NRG2: variants seen among roughly 807,000 people sequenced by gnomAD.
The protein encoded by NRG2 is pro-neuregulin-2, membrane-bound isoform.
Under a neutral mutation model 73.9 loss-of-function variants are expected in NRG2, and 27 were observed. The observed-to-expected ratio is 0.37, with a 90% CI of 0.27 to 0.50. NRG2 has a LOEUF of 0.50. Among genes scored for constraint, NRG2 ranks in the 20% least tolerant of loss-of-function variants. The pLI, the probability that NRG2 is intolerant of heterozygous loss-of-function variation, is 0.96. For synonymous variants in NRG2, 532 were observed against 541.0 expected (o/e 0.98, Z 0.23); for missense variants, 1,126 against 1,210.1 (o/e 0.93, Z 1.03).
At position 139,852,522 on chromosome 5, in the gene NRG2, A is replaced by G; in HGVS notation, c.1454T>C (p.Ile485Thr). The G allele has an allele frequency of 6.2e-7, 1 of 1,614,144 alleles. No individual in the cohort carries two copies. The highest frequency in any genetic ancestry group is 1.1e-5 in the South Asian group (1 of 91,072). ...GAAGGTGGTCTCAGTTTCTCTCCTG[A>G]TGACATGGTCTGTGGCTGGCACGTT... Reference protein sequence around the residue: ...SKNVPATDHVIRRETETTFSG... With the variant: ...SKNVPATDHVTRRETETTFSG... The change falls in exon 8 of 10, where the codon ATC becomes ACC. Residue 485 changes from isoleucine to threonine, a missense_variant. Transcript: ENST00000361474. This position sits in a 1 kb window ranked among gnomAD's most constrained non-coding sequence, Gnocchi z 4.4.
In NRG2 at chr5:139,859,984, G is replaced by GGA. The variant is rs554149041; in HGVS notation, c.1190-4208_1190-4207dup. 2.2e-5 allele frequency: 32 copies of GGA among 1,477,398 alleles called. 1 individual carries two copies. The South Asian group carries it at 3.2e-4, about 15-fold the overall frequency. The allele number at this position is 1,477,398 out of a possible 1,614,324, so 91.5% of individuals were successfully genotyped here. A position where few individuals can be genotyped will look rare whatever the true frequency, so the allele number is the denominator to read the frequency against. On this transcript the variant is annotated intron_variant, in intron 5 of 9. Coordinates refer to ENST00000361474, the MANE Select transcript of NRG2 (RefSeq NM_004883.3). ...GAGAGACAGGTGGGTGGGGACAGGG[G>GGA]GAGAGAGAGAGACAGAAACGTTGGT...
chr5:139,914,348 T>G (rs1014137369), intron 1 of NRG2, among the ~76,000 whole-genome samples: 2 of 152,156 alleles, frequency 1.3e-5, no homozygotes, highest in Non-Finnish European at 2.9e-5. Flanking sequence ...CCCACACCTG[T>G]GCCCTCAGGT....
rs575753041 is a variant in NRG2, at chr5:140,012,401, A to G, written c.700+29969T>C. ...ACATCTGTCATTCACTATATACACA[A>G]AGTAATCCTGTCTTAACTTTCAGAA... is the stretch of plus-strand genomic sequence containing the variant. On this transcript the variant is annotated intron_variant, in intron 1 of 9. Coordinates refer to ENST00000361474, the MANE Select transcript of NRG2 (RefSeq NM_004883.3). Among the ~76,000 whole-genome samples the G allele has an allele frequency of 2.6e-5, 4 of 152,260 alleles. No homozygotes were observed. The South Asian group carries it at 8.3e-4, about 32-fold the overall frequency.
chr5:139,989,934 G>A (rs1264634219), intron 1 of NRG2, among the ~76,000 whole-genome samples: 15 of 150,974 alleles, frequency 9.9e-5, no homozygotes, highest in Non-Finnish European at 1.9e-4. Flanking sequence ...GACTACAGGT[G>A]CCCACCACCA....
rs963242767 is a variant in NRG2, at chr5:140,008,935, A to G, written c.700+33435T>C. ...ATAATAGCAATAGAACCAACCTCCC[A>G]GGGTTGTTGCAAGGACTGAGTGAGA... On this transcript the variant is annotated intron_variant, in intron 1 of 9. Transcript: ENST00000361474. The surrounding 1 kb of genome is among the most constrained non-coding windows in gnomAD (Gnocchi z 4.2). Among the ~76,000 whole-genome samples, 3 of 152,218 alleles carry G rather than the reference A, an allele frequency of 2.0e-5. No homozygotes were observed. Among genetic ancestry groups the G allele is most frequent in the Non-Finnish European group, 4.4e-5 (3 of 68,018 alleles).
chr5:139,916,528 C>T (rs1051110867), intron 1 of NRG2, among the ~76,000 whole-genome samples: 18 of 152,160 alleles, frequency 1.2e-4, no homozygotes, highest in African/African-American at 3.9e-4. Context: ...AAAGAAACCT[C>T]GTACTCTTTA....
chr5:139,994,838 G>A lies in NRG2; in HGVS notation c.700+47532C>T, dbSNP rs117571790. On this transcript the variant is annotated intron_variant, in intron 1 of 9. Coordinates refer to ENST00000361474, the MANE Select transcript of NRG2 (RefSeq NM_004883.3). ...AAAGGAAGGAGGGTGATTCAGAGAG[G>A]GGTATGCAGAAGCCAGCCTGTAAAT... Among the ~76,000 whole-genome samples the A allele has an allele frequency of 1.8e-4, 27 of 152,194 alleles. No homozygotes were observed. In the East Asian group the frequency reaches 5.0e-3, roughly 28 times the overall value.
intron 1 of NRG2, among the ~76,000 whole-genome samples, chr5:139,896,215 G>C (rs1226209308): frequency 2.0e-5 from 3 of 152,176 alleles, no homozygotes; most frequent in Non-Finnish European, 4.4e-5. Context: ...AGGAAAAGCA[G>C]CACCTTTGTA....
intron 1 of NRG2, among the ~76,000 whole-genome samples, chr5:140,011,352 T>G (rs1281638989): frequency 1.3e-5 from 2 of 152,234 alleles, no homozygotes; most frequent in Admixed American, 6.5e-5. Flanking sequence ...GCCTCTGAGA[T>G]GGACTCCAGT....
chr5:140,019,474 C>G (rs1050839249), intron 1 of NRG2: 1 of 152,238 alleles, frequency 6.6e-6, no homozygotes, highest in Non-Finnish European at 1.5e-5. Flanking sequence ...CTGGCTCTTC[C>G]TAGAAAGCAT....
chr5:139,939,240 CTTCCTTTCTTTCTTTCTTTCTT>C (rs1281337909), intron 1 of NRG2, among the ~76,000 whole-genome samples: 8 of 138,738 alleles, frequency 5.8e-5, no homozygotes, highest in Non-Finnish European at 1.2e-4. Context: ...TCCTTCCTTC[CTTCCTTTCTTTCTTTCTTTCTT>C]TTTCTTTCTT....
At chr5:139,864,857 G>T (rs913193879) in intron 5 of NRG2, among the ~76,000 whole-genome samples, 1 of 152,102 alleles carries the variant, frequency 6.6e-6, no homozygotes, top group Non-Finnish European at 1.5e-5. Flanking sequence ...TCCCATTCTG[G>T]CCAGGCTGCC....
intron 1 of NRG2, among the ~76,000 whole-genome samples, chr5:139,979,715 C>T (rs540386085): frequency 1.3e-5 from 2 of 152,184 alleles, no homozygotes; most frequent in Admixed American, 6.5e-5. Flanking sequence ...ATCCTGCCAA[C>T]GACACATGAG....
At chr5:140,032,835 G>A (rs965436497) in intron 1 of NRG2, among the ~76,000 whole-genome samples, 24 of 152,118 alleles carry the variant, frequency 1.6e-4, no homozygotes, top group African/African-American at 5.3e-4. Context: ...AAGGACCTGA[G>A]GGGTAATAAT....
intron 1 of NRG2, among the ~76,000 whole-genome samples, chr5:139,978,963 T>C (rs1756583823): frequency 6.6e-6 from 1 of 151,632 alleles, no homozygotes; most frequent in Admixed American, 6.6e-5. Context: ...GAAACCATCA[T>C]TCTCAGCAAA....
chr5:140,005,215 A>G (rs1022256646), intron 1 of NRG2, among the ~76,000 whole-genome samples: 5 of 152,150 alleles, frequency 3.3e-5, no homozygotes, highest in Admixed American at 2.6e-4. Flanking sequence ...CTTCCCATAT[A>G]TAAGAACTCC....
intron 1 of NRG2, among the ~76,000 whole-genome samples, chr5:140,031,058 C>T (rs754154816): frequency 1.6e-4 from 25 of 152,164 alleles, no homozygotes; most frequent in Non-Finnish European, 2.5e-4. Flanking sequence ...GGATTTGGTC[C>T]CACCCTCATC....
intron 1 of NRG2, among the ~76,000 whole-genome samples, chr5:140,036,586 A>G (rs1245960529): frequency 2.0e-5 from 3 of 152,228 alleles, no homozygotes; most frequent in Non-Finnish European, 4.4e-5. Context: ...TTTCCTAAAG[A>G]GTTGCCTGTA....
At chr5:139,906,401 T>A (rs918256683) in intron 1 of NRG2, among the ~76,000 whole-genome samples, 8 of 152,190 alleles carry the variant, frequency 5.3e-5, no homozygotes, top group Admixed American at 3.3e-4. Context: ...AGCCCTATTC[T>A]ACCTGGCCCT....
Sources: allele counts gnomAD v4.1 joint callset (sites outside exome capture counted in the v4.1 genomes callset), GRCh38; gene constraint gnomAD v4.1.1; non-coding constraint Gnocchi (gnomAD v3.1); transcripts MANE v1.5; gene names NCBI Gene and HGNC (gene_info 2026-07-23, HGNC 2026-07-21).